CSMD3: variants seen among roughly 807,000 people sequenced by gnomAD.
CSMD3 encodes the protein CUB and Sushi multiple domains 3.
CSMD3 carries 177 observed loss-of-function variants against 435.2 expected under a neutral mutation model. That is an observed-to-expected ratio of 0.41 (90% CI 0.36 to 0.46). CSMD3 has a LOEUF of 0.46. Among genes scored for constraint, CSMD3 ranks in the 20% least tolerant of loss-of-function variants. The probability of loss-of-function intolerance (pLI) is 0.34; values close to 1 mark genes in which losing one functional copy is unlikely to be tolerated. For missense variants in CSMD3, 4,265 were observed against 4,504.6 expected (o/e 0.95, Z 1.52); for synonymous variants, 1,656 against 1,520.5 (o/e 1.09, Z -2.07).
chr8:113,194,071 C>T (rs191704029), intron 3 of CSMD3, among the ~76,000 whole-genome samples: 270 of 151,246 alleles, frequency 1.8e-3, no homozygotes, highest in Non-Finnish European at 3.5e-3. Flanking sequence ...AATCAGGAAC[C>T]AATTTTCTTT....
chr8:112,931,955 G>T (rs76470715), intron 9 of CSMD3, among the ~76,000 whole-genome samples: 1,689 of 152,212 alleles, frequency 0.011, 35 homozygotes, highest in African/African-American at 0.038. Context: ...ACAAATGCTG[G>T]TGAGGATGCG....
At chr8:113,357,571 T>C (rs533734622) in intron 1 of CSMD3, among the ~76,000 whole-genome samples, 19 of 152,352 alleles carry the variant, frequency 1.2e-4, no homozygotes, top group African/African-American at 4.3e-4. Flanking sequence ...GGTAGCACTA[T>C]ATTTAGCTTC....
chr8:112,547,663 T>A (rs1035647898), intron 27 of CSMD3, among the ~76,000 whole-genome samples: 1 of 152,116 alleles, frequency 6.6e-6, no homozygotes, highest in African/African-American at 2.4e-5. Flanking sequence ...TGAGCTAGAA[T>A]AGTAAGAAAA....
intron 9 of CSMD3, among the ~76,000 whole-genome samples, chr8:112,934,566 C>T (rs1234335833): frequency 6.6e-6 from 1 of 152,046 alleles, no homozygotes; most frequent in Non-Finnish European, 1.5e-5. Context: ...AATATCATAC[C>T]ATTTTGCTGT....
intron 4 of CSMD3, among the ~76,000 whole-genome samples, chr8:113,147,333 C>A (rs1017918774): frequency 1.3e-5 from 2 of 151,600 alleles, no homozygotes; most frequent in Non-Finnish European, 2.9e-5. Flanking sequence ...TAAAAGTTTT[C>A]ATTGTCTCAT....
At chr8:112,312,264 T>G (rs973789874) in intron 49 of CSMD3, among the ~76,000 whole-genome samples, 21 of 151,956 alleles carry the variant, frequency 1.4e-4, no homozygotes, top group South Asian at 6.3e-4. Context: ...AGTTTTTTGG[T>G]TTTTTTTGAG....
chr8:113,428,713 A>G (rs778806337), intron 1 of CSMD3, among the ~76,000 whole-genome samples: 12 of 151,902 alleles, frequency 7.9e-5, no homozygotes, highest in Non-Finnish European at 1.3e-4. Flanking sequence ...AATGTCTCGT[A>G]TCCTCTCTAC....
intron 13 of CSMD3, among the ~76,000 whole-genome samples, chr8:112,715,596 C>G (rs955504240): frequency 6.6e-6 from 1 of 152,134 alleles, no homozygotes; most frequent in African/African-American, 2.4e-5. Context: ...CATCCTGATA[C>G]CAAAACCTGG....
At chr8:112,514,616 C>T (rs533926247) in intron 28 of CSMD3, among the ~76,000 whole-genome samples, 5 of 152,088 alleles carry the variant, frequency 3.3e-5, no homozygotes, top group East Asian at 1.9e-4. Flanking sequence ...TCTACTTTCC[C>T]GGGGGCAATG....
chr8:112,723,067 A>T (rs2076894242), intron 13 of CSMD3, among the ~76,000 whole-genome samples: 1 of 151,988 alleles, frequency 6.6e-6, no homozygotes, highest in Non-Finnish European at 1.5e-5. Flanking sequence ...TCATTAAGGT[A>T]TTGATAAAAC....
chr8:113,211,285 A>G (rs1486493245), intron 3 of CSMD3, among the ~76,000 whole-genome samples: 1 of 152,220 alleles, frequency 6.6e-6, no homozygotes, highest in Non-Finnish European at 1.5e-5. Context: ...GTTTCTAACT[A>G]TACAATGGCT....
intron 32 of CSMD3, among the ~76,000 whole-genome samples, chr8:112,421,644 A>G (rs1294976441): frequency 6.8e-6 from 1 of 147,484 alleles, no homozygotes; most frequent in Admixed American, 6.8e-5. Flanking sequence ...ATGTAATAAT[A>G]TATGTATATA....
At chr8:112,843,808 A>C (rs915246133) in intron 11 of CSMD3, among the ~76,000 whole-genome samples, 1 of 151,956 alleles carries the variant, frequency 6.6e-6, no homozygotes, top group African/African-American at 2.4e-5. Context: ...TAGTGTGCTG[A>C]CAACTTAGTT....
rs1334229871 is a variant in CSMD3, at chr8:112,254,273, T to C, written c.10090A>G (p.Asn3364Asp). The change falls in exon 63 of 71, where the codon AAC becomes GAC. Residue 3364 changes from asparagine (N) to aspartate (D), a missense_variant. Asn to Asp is a conservative substitution (Grantham distance 23). Transcript: ENST00000297405. ...CCCACTTGAAATCCGAATGTATTGT[T>C]CTGAGATCCATGCCGAGGCACACCT... is the stretch of plus-strand genomic sequence containing the variant. ...NPGVPRHGSQ[N>D]NTFGFQVGSV... is the part of the protein sequence containing the mutation. The C allele has an allele frequency of 6.2e-7, 1 of 1,612,422 alleles. No individual in the cohort carries two copies. The highest frequency in any genetic ancestry group is 8.5e-7 in the Non-Finnish European group (1 of 1,178,802).
intron 38 of CSMD3, among the ~76,000 whole-genome samples, chr8:112,357,613 A>T (rs1487757385): frequency 6.6e-6 from 1 of 152,146 alleles, no homozygotes; most frequent in Admixed American, 6.5e-5. Flanking sequence ...AAGTGGTTTC[A>T]TGGGCCAGGC....
intron 59 of CSMD3, among the ~76,000 whole-genome samples, chr8:112,268,944 T>C (rs1249911919): frequency 6.6e-6 from 1 of 152,176 alleles, no homozygotes; most frequent in East Asian, 1.9e-4. Context: ...CAAACAATTC[T>C]TCGTTGTGAG....
chr8:113,242,645 T>C (rs1056091020), intron 3 of CSMD3, among the ~76,000 whole-genome samples: 8 of 152,046 alleles, frequency 5.3e-5, no homozygotes, highest in South Asian at 2.1e-4. Context: ...ATCCTTTTTA[T>C]TTTTTAATAG....
chr8:113,433,438 TAAG>T (rs2094687293), intron 1 of CSMD3, among the ~76,000 whole-genome samples: 2 of 152,114 alleles, frequency 1.3e-5, no homozygotes, highest in Admixed American at 1.3e-4. Flanking sequence ...TTCCCCCTCA[TAAG>T]ACACCCGCGC....
intron 9 of CSMD3, among the ~76,000 whole-genome samples, chr8:112,923,596 C>T (rs1480379521): frequency 6.6e-6 from 1 of 151,972 alleles, no homozygotes; most frequent in Non-Finnish European, 1.5e-5. Flanking sequence ...TCCATAAGGC[C>T]CTCCCTTACT....
Sources: allele counts gnomAD v4.1 joint callset (sites outside exome capture counted in the v4.1 genomes callset), GRCh38; gene constraint gnomAD v4.1.1; transcripts MANE v1.5; gene names NCBI Gene and HGNC (gene_info 2026-07-23, HGNC 2026-07-21).